DNAJC10: variants seen among roughly 807,000 people sequenced by gnomAD.
DNAJC10 encodes the protein DnaJ heat shock protein family (Hsp40) member C10.
Under a neutral mutation model 115.0 loss-of-function variants are expected in DNAJC10, and 101 were observed. That is an observed-to-expected ratio of 0.88 (90% CI 0.75 to 1.04). DNAJC10 has a LOEUF of 1.04. Ranked by LOEUF, DNAJC10 falls within the 50% of genes least tolerant of loss-of-function variation. The probability of loss-of-function intolerance (pLI) is 0.00; values close to 1 mark genes in which losing one functional copy is unlikely to be tolerated. For synonymous variants in DNAJC10, 307 were observed against 301.5 expected (o/e 1.02, Z -0.19); for missense variants, 981 against 928.8 (o/e 1.06, Z -0.73).
chr2:182,733,514 T>C (rs1693503858), intron 10 of DNAJC10, among the ~76,000 whole-genome samples: 1 of 149,072 alleles, frequency 6.7e-6, no homozygotes. Flanking sequence ...AGTATCTTTA[T>C]TTTTTTTTTA....
chr2:182,780,016 A>G lies in DNAJC10; in HGVS notation c.*2884A>G, dbSNP rs1273284798. On this transcript the variant is annotated 3_prime_UTR_variant, in exon 24 of 24. Coordinates refer to ENST00000264065, the MANE Select transcript of DNAJC10 (RefSeq NM_018981.4). ...CTGTTAAGAAATAATAAAAGATTAAATTAACAAAATGCATTTTAAATTTTT... is the reference window on the plus strand; with the variant it reads ...CTGTTAAGAAATAATAAAAGATTAAGTTAACAAAATGCATTTTAAATTTTT... The G allele has an allele frequency of 6.6e-6, 1 of 152,192 alleles. No individual in the cohort carries two copies. Among genetic ancestry groups the G allele is most frequent in the Non-Finnish European group, 1.5e-5 (1 of 68,042 alleles). The allele number at this position is 152,192 out of a possible 1,614,324, so 9.4% of individuals were successfully genotyped here. A position where few individuals can be genotyped will look rare whatever the true frequency, so the allele number is the denominator to read the frequency against.
Position 182,718,047 on chromosome 2 carries a change from C to A in DNAJC10, c.-40C>A. On this transcript the variant is annotated 5_prime_UTR_variant, in exon 3 of 24. Transcript: ENST00000264065. ...ACATCAACTGGAACCAGCAGTGAAT[C>A]TTAATGTTCACTTAAATCAGAACTT... 1.4e-6 allele frequency: 2 copies of A among 1,462,572 alleles called. No homozygotes were observed. The highest frequency in any genetic ancestry group is 9.4e-7 in the Non-Finnish European group (1 of 1,066,230). 90.6% of individuals were successfully genotyped at this position (1,462,572 alleles called of 1,614,324 possible). A position where few individuals can be genotyped will look rare whatever the true frequency, so the allele number is the denominator to read the frequency against.
intron 21 of DNAJC10, among the ~76,000 whole-genome samples, chr2:182,760,237 T>C (rs1193409747): frequency 6.6e-6 from 1 of 152,184 alleles, no homozygotes; most frequent in African/African-American, 2.4e-5. Context: ...ACTGCAAAAC[T>C]CAGCTCCGAT....
Position 182,743,652 on chromosome 2 carries a change from T to A in DNAJC10, c.1246T>A (p.Phe416Ile). The change falls in exon 14 of 24, where the codon TTT (phenylalanine) becomes ATT (isoleucine). Residue 416 changes from phenylalanine (F) to isoleucine (I), a missense_variant. By Grantham distance (21) the Phe-to-Ile change is conservative (BLOSUM62 0). Coordinates refer to ENST00000264065, the MANE Select transcript of DNAJC10 (RefSeq NM_018981.4). ...AGACATCTGTAGTAATCTGTATGTT[T>A]TTCAGCCGTCTCTAGCAGTATTTAA... is the stretch of plus-strand genomic sequence containing the variant. ...APDICSNLYV[F>I]QPSLAVFKGQ... is the part of the protein sequence containing the mutation. 1 of 1,613,868 alleles carries A rather than the reference T, an allele frequency of 6.2e-7. No homozygotes were observed. Among genetic ancestry groups the A allele is most frequent in the Non-Finnish European group, 8.5e-7 (1 of 1,179,862 alleles).
chr2:182,732,551 C>T lies in DNAJC10; in HGVS notation c.849+9C>T, dbSNP rs201779987. On this transcript the variant is annotated intron_variant, in intron 10 of 23. Coordinates refer to ENST00000264065, the MANE Select transcript of DNAJC10 (RefSeq NM_018981.4). ...GGCTTAGTGGCATGTTGGTAAGCAT[C>T]AATCATTTTGTAAAACTATATCACC... The T allele has an allele frequency of 1.0e-3, 1,617 of 1,612,238 alleles. 1 individual carries two copies. The highest frequency in any genetic ancestry group is 1.2e-3 in the Non-Finnish European group (1,441 of 1,178,710).
intron 22 of DNAJC10, among the ~76,000 whole-genome samples, chr2:182,763,938 G>A (rs1229683189): frequency 6.6e-6 from 1 of 152,138 alleles, no homozygotes; most frequent in Non-Finnish European, 1.5e-5. Context: ...AGACAACCAA[G>A]TGTTGGGGTT....
At chr2:182,717,351 A>T (rs1236629341) in intron 2 of DNAJC10, among the ~76,000 whole-genome samples, 1 of 152,212 alleles carries the variant, frequency 6.6e-6, no homozygotes, top group African/African-American at 2.4e-5. Flanking sequence ...TACTATTTTT[A>T]AAAAATGGCC....
At chr2:182,723,926 A>T (rs543985627) in intron 5 of DNAJC10, among the ~76,000 whole-genome samples, 1 of 152,212 alleles carries the variant, frequency 6.6e-6, no homozygotes, top group Admixed American at 6.5e-5. Context: ...GAGAGGAATG[A>T]GCAGGAGCAT....
chr2:182,729,162 T>A, intron 7 of DNAJC10, 168 bp downstream of exon 7: 1 of 696,886 alleles, frequency 1.4e-6, no homozygotes. Flanking sequence ...TGAATTTTTT[T>A]TTTTGAGATG....
intron 11 of DNAJC10, among the ~76,000 whole-genome samples, chr2:182,736,791 C>A (rs990213022): frequency 1.3e-5 from 2 of 152,088 alleles, no homozygotes; most frequent in Admixed American, 1.3e-4. Context: ...CTCTTGTCGC[C>A]CAGGCTGTAG....
Position 182,718,198 on chromosome 2 carries a change from A to T in DNAJC10, c.112A>T (p.Ser38Cys), listed in dbSNP as rs1360570071. The T allele has an allele frequency of 1.2e-6, 2 of 1,613,498 alleles. No homozygotes were observed. Among genetic ancestry groups the T allele is most frequent in the African/African-American group, 2.7e-5 (2 of 74,910 alleles). Residue 38 changes from serine to cysteine, a missense_variant, in exon 3 of 24, where the codon AGT becomes TGT. Ser to Cys is a moderately radical substitution (Grantham distance 112, BLOSUM62 -1). Coordinates refer to ENST00000264065, the MANE Select transcript of DNAJC10 (RefSeq NM_018981.4). The stretch of plus-strand genomic sequence containing the variant: ...AGTGGGCACAGATCAGGATTTTTAC[A>T]GTTTACTTGGAGTGTCCAAAACTGC... ...ILVGTDQDFY[S>C]LLGVSKTASS...
At chr2:182,742,618 T>C (rs1453284781) in intron 13 of DNAJC10, among the ~76,000 whole-genome samples, 1 of 152,236 alleles carries the variant, frequency 6.6e-6, no homozygotes, top group Non-Finnish European at 1.5e-5. Context: ...TTCTCCACGC[T>C]GTGCCCACCA....
At chr2:182,720,628 AGGTTTGT>A (rs1693126781) in intron 4 of DNAJC10, among the ~76,000 whole-genome samples, 1 of 152,170 alleles carries the variant, frequency 6.6e-6, no homozygotes, top group Admixed American at 6.5e-5. Flanking sequence ...TATACTATCT[AGGTTTGT>A]GTAAGTACAC....
At chr2:182,759,929 A>G (rs1028969720) in intron 21 of DNAJC10, among the ~76,000 whole-genome samples, 4 of 152,086 alleles carry the variant, frequency 2.6e-5, no homozygotes, top group African/African-American at 9.7e-5. Flanking sequence ...GCAGTTCAAC[A>G]CAGTTCAAGC....
intron 4 of DNAJC10, 99 bp downstream of exon 4, chr2:182,720,268 C>G: frequency 1.1e-6 from 1 of 941,364 alleles, no homozygotes; most frequent in South Asian, 1.5e-5. Context: ...AGATGCGTCA[C>G]TTTGATTAGC....
At chr2:182,746,653 G>A (rs546480592) in intron 14 of DNAJC10, among the ~76,000 whole-genome samples, 1 of 152,220 alleles carries the variant, frequency 6.6e-6, no homozygotes, top group East Asian at 1.9e-4. Context: ...TGAGTAGGTT[G>A]CGAAAATTTT....
chr2:182,728,482 T>C (rs1254026106), intron 5 of DNAJC10, 94 bp from the exon 6 acceptor site: 4 of 766,846 alleles, frequency 5.2e-6, no homozygotes, highest in Non-Finnish European at 8.3e-6. Context: ...GCATGACTTT[T>C]TAAAATTCTG....
chr2:182,735,460 T>A (rs1693560447), intron 10 of DNAJC10, among the ~76,000 whole-genome samples: 1 of 152,006 alleles, frequency 6.6e-6, no homozygotes, highest in South Asian at 2.1e-4. Flanking sequence ...AGCTTTTAAT[T>A]GTTTGTGATT....
chr2:182,770,682 C>G (rs288290), intron 22 of DNAJC10, among the ~76,000 whole-genome samples: 103,488 of 152,056 alleles, frequency 0.68, 35,897 homozygotes, highest in African/African-American at 0.8. Context: ...TGCTGAAGTT[C>G]CTTATCAGCT....
Sources: allele counts gnomAD v4.1 joint callset (sites outside exome capture counted in the v4.1 genomes callset), GRCh38; gene constraint gnomAD v4.1.1; transcripts MANE v1.5; gene names NCBI Gene and HGNC (gene_info 2026-07-23, HGNC 2026-07-21).